Variants in EPB41L3 observed in about 807,000 individuals in gnomAD.
EPB41L3 encodes erythrocyte membrane protein band 4.1 like 3.
In EPB41L3, 57 loss-of-function variants were observed where a neutral mutation model predicts 127.1. The ratio of observed to expected loss-of-function variants is 0.45; its 90% CI spans 0.36 to 0.56. EPB41L3 has a LOEUF of 0.56. EPB41L3 is among the 20% of genes least tolerant of loss of function. EPB41L3 has a pLI of 0.00. For missense variants in EPB41L3, 1,273 were observed against 1,372.2 expected (o/e 0.93, Z 1.14); for synonymous variants, 572 against 549.5 (o/e 1.04, Z -0.57).
intron 3 of EPB41L3, among the ~76,000 whole-genome samples, chr18:5,611,028 A>C (rs1181081643): frequency 6.6e-6 from 1 of 152,212 alleles, no homozygotes; most frequent in Non-Finnish European, 1.5e-5. Flanking sequence ...GTCACCTTGG[A>C]AAACCAGGCT....
In EPB41L3 at chr18:5,394,797, T is replaced by C. The variant is rs1369068581; in HGVS notation, c.3154-4A>G. ...CTTTAATTGCCTGAGCCAGCGCCTA[T>C]CCCCGGGAAATCACAGAAGGGCAGA... On this transcript the variant is annotated splice_polypyrimidine_tract_variant and splice_region_variant and intron_variant, in intron 21 of 22. Coordinates refer to ENST00000341928, the MANE Select transcript of EPB41L3 (RefSeq NM_012307.5). The C allele has an allele frequency of 3.1e-6, 5 of 1,613,816 alleles. No individual in the cohort carries two copies. In the Admixed American group the frequency reaches 6.7e-5, roughly 22 times the overall value.
chr18:5,468,007 G>A (rs1599353795), intron 3 of EPB41L3, among the ~76,000 whole-genome samples: 2 of 152,274 alleles, frequency 1.3e-5, no homozygotes, highest in East Asian at 1.9e-4. Context: ...CCACTGCCTG[G>A]CTTCTCCTTG....
At chr18:5,534,243 T>A (rs1411563406) in intron 1 of EPB41L3, among the ~76,000 whole-genome samples, 1 of 152,242 alleles carries the variant, frequency 6.6e-6, no homozygotes, top group Non-Finnish European at 1.5e-5. Context: ...ATGCTAAACA[T>A]TTTCTTCAAC....
chr18:5,497,533 A>T (rs946583103), intron 1 of EPB41L3, among the ~76,000 whole-genome samples: 1 of 152,256 alleles, frequency 6.6e-6, no homozygotes, highest in African/African-American at 2.4e-5. Flanking sequence ...CTCTTAAAAC[A>T]CAGGGATCCC....
chr18:5,505,705 CTCCACACCTTCACCTCCACCCCTACCA>C (rs1568447532), intron 1 of EPB41L3, among the ~76,000 whole-genome samples: 39 of 138,104 alleles, frequency 2.8e-4, no homozygotes, highest in African/African-American at 1.0e-3. Context: ...CACCCCTTCC[CTCCACACCTTCACCTCCACCCCTACCA>C]TCCACACCTT....
intron 3 of EPB41L3, among the ~76,000 whole-genome samples, chr18:5,590,413 A>C (rs1422659077): frequency 6.6e-6 from 1 of 152,176 alleles, no homozygotes; most frequent in Admixed American, 6.5e-5. Context: ...AGTGGCGAGG[A>C]TGCAGAGCAC....
At chr18:5,508,181 C>G (rs1018057213) in intron 1 of EPB41L3, 8 of 152,304 alleles carry the variant, frequency 5.3e-5, no homozygotes, top group South Asian at 2.1e-4. Flanking sequence ...AACTTCTTAT[C>G]TGATACTATA....
chr18:5,468,644 T>C (rs1046213012), intron 3 of EPB41L3, among the ~76,000 whole-genome samples: 8 of 152,106 alleles, frequency 5.3e-5, no homozygotes, highest in Non-Finnish European at 8.8e-5. Flanking sequence ...GCTGCACCCA[T>C]TGGGATAACC....
chr18:5,582,297 G>C (rs1248493235), intron 3 of EPB41L3, among the ~76,000 whole-genome samples: 1 of 152,076 alleles, frequency 6.6e-6, no homozygotes, highest in Non-Finnish European at 1.5e-5. Context: ...CAGGAGAGGA[G>C]AAGACAACGG....
chr18:5,599,415 T>C (rs1447682730), intron 3 of EPB41L3, among the ~76,000 whole-genome samples: 1 of 152,168 alleles, frequency 6.6e-6, no homozygotes, highest in Non-Finnish European at 1.5e-5. Flanking sequence ...TTTTCCTGTT[T>C]AGGCACCTCA....
At chr18:5,452,964 A>G (rs1328174779) in intron 3 of EPB41L3, among the ~76,000 whole-genome samples, 1 of 152,136 alleles carries the variant, frequency 6.6e-6, no homozygotes, top group Non-Finnish European at 1.5e-5. Context: ...CTAGCAGGTG[A>G]CTGGGGTGAC....
intron 16 of EPB41L3, chr18:5,398,782 T>C (rs1046488861): frequency 2.5e-6 from 1 of 399,294 alleles, no homozygotes; most frequent in African/African-American, 2.1e-5. Context: ...AAGACCTCAC[T>C]CTCGGGCACT....
intron 1 of EPB41L3, among the ~76,000 whole-genome samples, chr18:5,524,474 C>T (rs1260664000): frequency 2.0e-5 from 3 of 152,182 alleles, no homozygotes; most frequent in Non-Finnish European, 4.4e-5. Context: ...GGATTACAGG[C>T]GTGAGCCATT....
chr18:5,460,168 C>T (rs1032269024), intron 3 of EPB41L3, among the ~76,000 whole-genome samples: 1 of 152,170 alleles, frequency 6.6e-6, no homozygotes, highest in African/African-American at 2.4e-5. Context: ...GTTTTCTGTT[C>T]CTACATTAGT....
intron 3 of EPB41L3, among the ~76,000 whole-genome samples, chr18:5,462,547 G>A (rs528294226): frequency 1.3e-4 from 20 of 152,232 alleles, no homozygotes; most frequent in African/African-American, 4.6e-4. Flanking sequence ...AATCACTACT[G>A]CAATTTCCCC....
chr18:5,540,639 C>T, intron 1 of EPB41L3: 1 of 699,332 alleles, frequency 1.4e-6, no homozygotes, highest in Non-Finnish European at 1.8e-6. Context: ...ATAGATGCAG[C>T]GATTGCACGA....
chr18:5,395,504 A>C lies in EPB41L3; in HGVS notation c.3072+105T>G, dbSNP rs1357008859. On this transcript the variant is annotated intron_variant, in intron 20 of 22. Coordinates refer to ENST00000341928, the MANE Select transcript of EPB41L3 (RefSeq NM_012307.5). ...CAGCTATCCCGGCGTCCTGAGCTTC[A>C]AGCCACCTTGTGCTTGTGCAGCCCA... 2.5e-5 allele frequency: 27 copies of C among 1,074,430 alleles called. 1 individual carries two copies. The South Asian group carries it at 3.3e-4, about 13-fold the overall frequency. 66.6% of individuals were successfully genotyped at this position (1,074,430 alleles called of 1,614,324 possible). A position where few individuals can be genotyped will look rare whatever the true frequency, so the allele number is the denominator to read the frequency against.
chr18:5,491,630 C>T (rs1019584960), intron 1 of EPB41L3, among the ~76,000 whole-genome samples: 1 of 152,194 alleles, frequency 6.6e-6, no homozygotes, highest in African/African-American at 2.4e-5. Context: ...TATCACACAA[C>T]TCACAGCAGC....
intron 3 of EPB41L3, among the ~76,000 whole-genome samples, chr18:5,461,092 G>A (rs1211891644): frequency 3.3e-5 from 5 of 152,062 alleles, no homozygotes; most frequent in South Asian, 2.1e-4. Flanking sequence ...TTTGTAAGTC[G>A]TGACGTCTGG....
Sources: allele counts gnomAD v4.1 joint callset (sites outside exome capture counted in the v4.1 genomes callset), GRCh38; gene constraint gnomAD v4.1.1; transcripts MANE v1.5; gene names NCBI Gene and HGNC (gene_info 2026-07-23, HGNC 2026-07-21).